RBFOX1: variants seen among roughly 807,000 people sequenced by gnomAD.
The protein encoded by RBFOX1 is RNA binding fox-1 homolog 1, also known as RNA binding protein fox-1 homolog 1.
A neutral mutation model predicts 57.7 loss-of-function variants in RBFOX1; 8 were observed. That is an observed-to-expected ratio of 0.14 (90% CI 0.08 to 0.25). RBFOX1 has a LOEUF of 0.25. Ranked by LOEUF, RBFOX1 falls within the 10% of genes least tolerant of loss-of-function variation. The pLI is 1.00. For missense variants in RBFOX1, 611 were observed against 548.5 expected (o/e 1.11, Z -1.14); for synonymous variants, 326 against 222.4 (o/e 1.47, Z -4.15).
chr16:5,425,692 C>T (rs537204691), intron 1 of RBFOX1, among the ~76,000 whole-genome samples: 7 of 152,236 alleles, frequency 4.6e-5, no homozygotes, highest in African/African-American at 1.2e-4. Flanking sequence ...GGTGCAGGGG[C>T]AGGGGAGAGT....
At chr16:7,457,797 A>C (rs1019571743) in intron 4 of RBFOX1, among the ~76,000 whole-genome samples, 1 of 151,692 alleles carries the variant, frequency 6.6e-6, no homozygotes. Context: ...CTAGCCTCAC[A>C]CCAAGCAGCC....
At chr16:6,795,338 G>C (rs929103413) in intron 3 of RBFOX1, among the ~76,000 whole-genome samples, 2 of 152,140 alleles carry the variant, frequency 1.3e-5, no homozygotes, top group African/African-American at 2.4e-5. Context: ...CAGGGCTGCT[G>C]ATGTGCTATT....
At chr16:7,148,536 C>G (rs149615045) in intron 4 of RBFOX1, among the ~76,000 whole-genome samples, 1 of 152,186 alleles carries the variant, frequency 6.6e-6, no homozygotes, top group Non-Finnish European at 1.5e-5. Flanking sequence ...GCCGCAGTGC[C>G]GAGTTCCCTG....
intron 2 of RBFOX1, among the ~76,000 whole-genome samples, chr16:6,477,965 A>C (rs1191463464): frequency 6.6e-6 from 1 of 151,668 alleles, no homozygotes; most frequent in Non-Finnish European, 1.5e-5. Context: ...TTTTTTTGTC[A>C]GTTTTCCCAC....
intron 3 of RBFOX1, among the ~76,000 whole-genome samples, chr16:6,952,696 G>A (rs7404626): frequency 0.15 from 22,059 of 151,992 alleles, 1,947 homozygotes; most frequent in Non-Finnish European, 0.19. Flanking sequence ...TCCTTGGTAG[G>A]GCCGGGCACG....
chr16:7,221,235 T>C (rs1020668893), intron 4 of RBFOX1, among the ~76,000 whole-genome samples: 12 of 152,164 alleles, frequency 7.9e-5, no homozygotes, highest in African/African-American at 2.9e-4. Flanking sequence ...GTTTGTAAAG[T>C]GTTAGAATAA....
chr16:7,325,320 T>A (rs2096597356), intron 4 of RBFOX1, among the ~76,000 whole-genome samples: 1 of 152,238 alleles, frequency 6.6e-6, no homozygotes, highest in African/African-American at 2.4e-5. Flanking sequence ...TTAAGTGATG[T>A]GCACGGGAAC....
Position 7,155,730 on chromosome 16 carries a change from TATATATATACAC to T in RBFOX1, c.27+103634_27+103645del, listed in dbSNP as rs1477905644. Among the ~76,000 whole-genome samples, 5 of 82,052 alleles carry T rather than the reference TATATATATACAC, an allele frequency of 6.1e-5. No homozygotes were observed. The South Asian group carries it at 9.9e-4, about 16-fold the overall frequency. 53.8% of individuals were successfully genotyped at this position (82,052 alleles called of 152,430 possible). A position where few individuals can be genotyped will look rare whatever the true frequency, so the allele number is the denominator to read the frequency against. Reference sequence around the variant, plus strand: ...AAAAAAAAATATATATATATATATATATATATATACACACACACACACACACACACACACATA... The same window carrying T: ...AAAAAAAAATATATATATATATATATACACACACACACACACACACACATA... On this transcript the variant is annotated intron_variant, in intron 4 of 15. Transcript: ENST00000550418.
chr16:6,162,725 C>T (rs1196855642), intron 1 of RBFOX1, among the ~76,000 whole-genome samples: 1 of 152,006 alleles, frequency 6.6e-6, no homozygotes, highest in Non-Finnish European at 1.5e-5. Context: ...ATACAATGTG[C>T]TTTTGCCTTT....
chr16:6,663,012 A>C (rs1271556307), intron 3 of RBFOX1, among the ~76,000 whole-genome samples: 1 of 152,168 alleles, frequency 6.6e-6, no homozygotes. Flanking sequence ...GTGGGTTTGC[A>C]TTCAGGGGAG....
intron 3 of RBFOX1, among the ~76,000 whole-genome samples, chr16:5,638,352 A>T (rs987966611): frequency 6.6e-6 from 1 of 152,146 alleles, no homozygotes; most frequent in African/African-American, 2.4e-5. Flanking sequence ...AAGATGCTAA[A>T]CGTTGTTTGG....
At chr16:5,274,979 C>G (rs1240789556) in intron 1 of RBFOX1, among the ~76,000 whole-genome samples, 1 of 152,196 alleles carries the variant, frequency 6.6e-6, no homozygotes, top group Non-Finnish European at 1.5e-5. Context: ...CCGGAGATAG[C>G]TGATGCGAAG....
chr16:5,728,667 G>T (rs537114923), intron 3 of RBFOX1, among the ~76,000 whole-genome samples: 1 of 152,306 alleles, frequency 6.6e-6, no homozygotes, highest in African/African-American at 2.4e-5. Flanking sequence ...AGGTCACTCT[G>T]AGAATATCCT....
At chr16:7,165,571 G>T (rs550793181) in intron 4 of RBFOX1, among the ~76,000 whole-genome samples, 2 of 151,452 alleles carry the variant, frequency 1.3e-5, no homozygotes, top group African/African-American at 4.9e-5. Flanking sequence ...CTGGGATTAC[G>T]GGCATGCACC....
chr16:5,837,657 G>A (rs1357586419), intron 3 of RBFOX1, among the ~76,000 whole-genome samples: 1 of 151,316 alleles, frequency 6.6e-6, no homozygotes, highest in African/African-American at 2.4e-5. Flanking sequence ...GCGGGTACAG[G>A]CAACAGAACT....
intron 5 of RBFOX1, among the ~76,000 whole-genome samples, chr16:7,529,775 G>C (rs889296489): frequency 1.3e-5 from 2 of 152,064 alleles, no homozygotes; most frequent in Non-Finnish European, 2.9e-5. Flanking sequence ...TTGGGAGGCT[G>C]AGACGGGCAG....
intron 11 of RBFOX1, among the ~76,000 whole-genome samples, chr16:7,642,507 C>T (rs895893845): frequency 2.0e-5 from 3 of 152,122 alleles, no homozygotes; most frequent in African/African-American, 2.4e-5. Flanking sequence ...CCAAGAGAAC[C>T]TTGGGAAATC....
At chr16:5,592,519 C>T (rs1399999032) in intron 2 of RBFOX1, among the ~76,000 whole-genome samples, 7 of 151,746 alleles carry the variant, frequency 4.6e-5, no homozygotes, top group South Asian at 2.1e-4. Flanking sequence ...TGGGTTCAAG[C>T]GATTCTCCTG....
At chr16:7,045,940 G>A (rs1197248800) in intron 3 of RBFOX1, among the ~76,000 whole-genome samples, 1 of 152,152 alleles carries the variant, frequency 6.6e-6, no homozygotes, top group Admixed American at 6.5e-5. Context: ...TTACAGGTGT[G>A]AGCCACCATG....
Sources: gnomAD v4.1 joint callset for allele counts (sites outside exome capture counted in the v4.1 genomes callset) on GRCh38, gnomAD v4.1.1 for gene constraint, MANE v1.5 for transcripts, NCBI Gene and HGNC (gene_info 2026-07-23, HGNC 2026-07-21) for gene names.